The following XPO4 variants were observed in gnomAD, a reference collection of about 807,000 sequenced individuals.
XPO4 encodes the protein exportin-4.
XPO4 carries 39 observed loss-of-function variants against 143.0 expected under a neutral mutation model. The observed-to-expected ratio is 0.27, with a 90% CI of 0.21 to 0.36. The LOEUF is 0.36. Among genes scored for constraint, XPO4 ranks in the 10% least tolerant of loss-of-function variants. XPO4 has a pLI of 1.00. For missense variants in XPO4, 907 were observed against 1,348.0 expected (o/e 0.67, Z 5.12); for synonymous variants, 439 against 474.0 (o/e 0.93, Z 0.96).
chr13:20,814,251 T>C (rs930556661), intron 9 of XPO4, among the ~76,000 whole-genome samples: 1 of 151,764 alleles, frequency 6.6e-6, no homozygotes, highest in African/African-American at 2.4e-5. Flanking sequence ...GTTTTTTAGG[T>C]ACATATCTAA....
At chr13:20,870,468 G>A (rs553017047) in intron 1 of XPO4, among the ~76,000 whole-genome samples, 1 of 151,614 alleles carries the variant, frequency 6.6e-6, no homozygotes. Flanking sequence ...AAAACTGTGA[G>A]GGCTGGGTGC....
chr13:20,826,637 A>C lies in XPO4; in HGVS notation c.840+430T>G, dbSNP rs546346462. On this transcript the variant is annotated intron_variant, in intron 7 of 22. Transcript: ENST00000255305. Reference sequence around the variant, plus strand: ...AATGCAAAACAATGCTATTCTTCTCATTAAACTTGCTTCGTTTTCAAAAAT... The same window carrying C: ...AATGCAAAACAATGCTATTCTTCTCCTTAAACTTGCTTCGTTTTCAAAAAT... Among the ~76,000 whole-genome samples the C allele has an allele frequency of 1.2e-4, 18 of 152,364 alleles. 1 individual carries two copies. Among genetic ancestry groups the C allele is most frequent in the African/African-American group, 4.3e-4 (18 of 41,588 alleles).
chr13:20,876,405 C>G (rs968804408), intron 1 of XPO4, among the ~76,000 whole-genome samples: 5 of 151,696 alleles, frequency 3.3e-5, no homozygotes, highest in African/African-American at 1.2e-4. Context: ...AGCAACAAAC[C>G]TATGACATAT....
rs769614867 is a variant in XPO4, at chr13:20,811,288, CTTTTTTT to C, written c.1174-1328_1174-1322del. 2.7e-3 allele frequency among the ~76,000 whole-genome samples: 373 copies of C among 136,718 alleles called. 1 individual carries two copies. The highest frequency in any genetic ancestry group is 4.2e-3 in the Non-Finnish European group (263 of 62,952). The allele number at this position is 136,718 out of a possible 152,430, so 89.7% of individuals were successfully genotyped here. ...CTTGAAACAGATAGAATGCTTTTTTCTTTTTTTTTTTTTTTTTGAGATGGAGTCTCGC... is the reference window on the plus strand; with the variant it reads ...CTTGAAACAGATAGAATGCTTTTTTCTTTTTTTTTTGAGATGGAGTCTCGC... On this transcript the variant is annotated intron_variant, in intron 9 of 22. Transcript: ENST00000255305.
intron 7 of XPO4, among the ~76,000 whole-genome samples, chr13:20,826,133 T>C (rs982564991): frequency 3.3e-5 from 5 of 152,216 alleles, no homozygotes; most frequent in Admixed American, 6.5e-5. Context: ...TAACTGCAAA[T>C]TAGCATCCAA....
chr13:20,837,558 A>G (rs545315688), intron 6 of XPO4, among the ~76,000 whole-genome samples: 12 of 152,214 alleles, frequency 7.9e-5, no homozygotes, highest in African/African-American at 2.4e-4. Context: ...GGTGTGTGCC[A>G]CCATGCCTGG....
rs1457540542 is a variant in XPO4, at chr13:20,833,701, ATC to A, written c.728-6524_728-6523del. Among the ~76,000 whole-genome samples the A allele has an allele frequency of 5.9e-5, 9 of 151,970 alleles. 1 individual carries two copies. The highest frequency in any genetic ancestry group is 5.9e-5 in the Non-Finnish European group (4 of 68,016). ...GAGAAGGGAGCCAAATGGGGAAAAA[ATC>A]ATATACAACATGCATAGGGAGAAAA... is the stretch of plus-strand genomic sequence containing the variant. On this transcript the variant is annotated intron_variant, in intron 6 of 22. Transcript: ENST00000255305.
chr13:20,891,530 C>G (rs999754324), intron 1 of XPO4, among the ~76,000 whole-genome samples: 4 of 152,040 alleles, frequency 2.6e-5, no homozygotes, highest in African/African-American at 9.7e-5. Context: ...CACTAACTCC[C>G]TGAGGTAGTG....
At chr13:20,830,164 T>C (rs1431401047) in intron 6 of XPO4, among the ~76,000 whole-genome samples, 1 of 152,182 alleles carries the variant, frequency 6.6e-6, no homozygotes, top group Admixed American at 6.5e-5. Flanking sequence ...CCCAATTCCA[T>C]GGCCAATTTC....
At chr13:20,811,857 G>A (rs921928021) in intron 9 of XPO4, among the ~76,000 whole-genome samples, 2 of 152,188 alleles carry the variant, frequency 1.3e-5, no homozygotes, top group Non-Finnish European at 2.9e-5. Context: ...ACAGGGTGAT[G>A]AAGGCCTCTT....
chr13:20,791,965 C>A (rs1401756070), intron 18 of XPO4, among the ~76,000 whole-genome samples: 1 of 152,156 alleles, frequency 6.6e-6, no homozygotes, highest in African/African-American at 2.4e-5. Context: ...TACTGGTAAG[C>A]CTGGATTCTA....
intron 3 of XPO4, chr13:20,857,911 AAAAT>A: frequency 1.0e-6 from 1 of 985,220 alleles, no homozygotes; most frequent in Non-Finnish European, 1.2e-6. Context: ...TTAAGAGGAA[AAAAT>A]AAAAAAGAAA....
At chr13:20,872,484 A>G (rs1259702921) in intron 1 of XPO4, among the ~76,000 whole-genome samples, 1 of 152,166 alleles carries the variant, frequency 6.6e-6, no homozygotes, top group East Asian at 1.9e-4. Flanking sequence ...CCACATACAA[A>G]AGAGAGAGGC....
chr13:20,823,276 T>C (rs1257264257), intron 7 of XPO4, among the ~76,000 whole-genome samples: 2 of 151,966 alleles, frequency 1.3e-5, no homozygotes, highest in African/African-American at 4.8e-5. Flanking sequence ...ACTAGGCAAA[T>C]TGTTTCTAAA....
chr13:20,855,267 C>T (rs1441189256), intron 4 of XPO4, among the ~76,000 whole-genome samples: 1 of 152,012 alleles, frequency 6.6e-6, no homozygotes, highest in Non-Finnish European at 1.5e-5. Flanking sequence ...ACGAGCCTGA[C>T]CAACATGAAG....
At chr13:20,862,106 TACACATATATGTA>T in intron 3 of XPO4, among the ~76,000 whole-genome samples, 1 of 152,246 alleles carries the variant, frequency 6.6e-6, no homozygotes, top group African/African-American at 2.4e-5. Flanking sequence ...CATTTCTATG[TACACATATATGTA>T]ACATTTGATT....
chr13:20,857,977 A>G lies in XPO4; in HGVS notation c.318-2212T>C, dbSNP rs561400946. 3.0e-6 allele frequency: 3 copies of G among 985,188 alleles called. No homozygotes were observed. The East Asian group carries it at 3.4e-4, about 112-fold the overall frequency. The allele number at this position is 985,188 out of a possible 1,614,324, so 61.0% of individuals were successfully genotyped here. On this transcript the variant is annotated intron_variant, in intron 3 of 22. Transcript: ENST00000255305. ...CACATTATTTATGTAATAGTCTACT[A>G]CATAGCCTATAGTATTCTACCTATG...
chr13:20,888,414 A>C (rs565843880), intron 1 of XPO4, among the ~76,000 whole-genome samples: 1 of 152,254 alleles, frequency 6.6e-6, no homozygotes, highest in South Asian at 2.1e-4. Context: ...GCAGTGTTGT[A>C]ATCATACCTC....
At chr13:20,789,795 C>A (rs903698779) in intron 19 of XPO4, among the ~76,000 whole-genome samples, 28 of 152,204 alleles carry the variant, frequency 1.8e-4, no homozygotes, top group Middle Eastern at 3.4e-3. Flanking sequence ...TGTGCACATA[C>A]ACACACAAAC....
Sources: gnomAD v4.1 joint callset for allele counts (sites outside exome capture counted in the v4.1 genomes callset) on GRCh38, gnomAD v4.1.1 for gene constraint, MANE v1.5 for transcripts, NCBI Gene and HGNC (gene_info 2026-07-23, HGNC 2026-07-21) for gene names.